GPC5: variants seen among roughly 807,000 people sequenced by gnomAD.
The protein encoded by GPC5 is glypican 5.
In GPC5, 47 loss-of-function variants were observed where a neutral mutation model predicts 53.9. The ratio of observed to expected loss-of-function variants is 0.87; its 90% confidence interval spans 0.69 to 1.11. The LOEUF (loss-of-function observed/expected upper bound fraction) is 1.11. Ranked by LOEUF, GPC5 falls within the 50% of genes most tolerant of loss-of-function variation. The pLI is 0.00. For synonymous variants in GPC5, 286 were observed against 263.3 expected, an observed-to-expected ratio of 1.09 and a Z score of -0.84; for missense variants, 748 against 713.1, an observed-to-expected ratio of 1.05 and a Z score of -0.56.
intron 2 of GPC5, among the ~76,000 whole-genome samples, chr13:91,497,312 T>A (rs560218092): frequency 7.2e-5 from 11 of 152,070 alleles, no homozygotes; most frequent in African/African-American, 2.4e-4. Context: ...TCAGATATTT[T>A]TTTTTTTAAA....
intron 7 of GPC5, among the ~76,000 whole-genome samples, chr13:92,809,631 C>A (rs1057345494): frequency 6.6e-6 from 1 of 152,102 alleles, no homozygotes; most frequent in African/African-American, 2.4e-5. Context: ...TAATTGTTTT[C>A]TTTGAAGTCA....
chr13:91,888,726 C>G (rs2138964353), intron 5 of GPC5, among the ~76,000 whole-genome samples: 1 of 152,194 alleles, frequency 6.6e-6, no homozygotes, highest in South Asian at 2.1e-4. Flanking sequence ...AGAAAATAAT[C>G]TTAAATGGCC....
intron 7 of GPC5, among the ~76,000 whole-genome samples, chr13:92,420,941 T>C (rs1299346061): frequency 6.6e-6 from 1 of 152,236 alleles, no homozygotes; most frequent in Admixed American, 6.5e-5. Context: ...TGAATAGTGC[T>C]GCAAAACTAG....
At chr13:92,722,865 A>G (rs1367330110) in intron 7 of GPC5, among the ~76,000 whole-genome samples, 1 of 151,884 alleles carries the variant, frequency 6.6e-6, no homozygotes, top group Non-Finnish European at 1.5e-5. Context: ...ATTACTTGCC[A>G]TTTTGAAGTT....
intron 5 of GPC5, among the ~76,000 whole-genome samples, chr13:91,771,991 C>T (rs1488157226): frequency 1.3e-5 from 2 of 152,110 alleles, no homozygotes; most frequent in Non-Finnish European, 2.9e-5. Context: ...ACTGCACTGT[C>T]CTACCAGTGG....
intron 5 of GPC5, among the ~76,000 whole-genome samples, chr13:91,862,769 A>C (rs1268280070): frequency 1.3e-5 from 2 of 152,140 alleles, no homozygotes; most frequent in Non-Finnish European, 2.9e-5. Flanking sequence ...GCCCCCATTA[A>C]AATTTCACCA....
intron 2 of GPC5, among the ~76,000 whole-genome samples, chr13:91,516,666 C>G (rs1885516836): frequency 6.6e-6 from 1 of 152,198 alleles, no homozygotes. Flanking sequence ...CTAGGGAGTG[C>G]CCCAACAGGG....
intron 7 of GPC5, among the ~76,000 whole-genome samples, chr13:92,653,493 T>A (rs1290533090): frequency 1.3e-5 from 2 of 152,198 alleles, no homozygotes; most frequent in African/African-American, 4.8e-5. Context: ...GTATTTGTAT[T>A]TCCTTTCTAA....
intron 5 of GPC5, among the ~76,000 whole-genome samples, chr13:91,892,874 C>T (rs1335205227): frequency 6.6e-6 from 1 of 151,860 alleles, no homozygotes; most frequent in East Asian, 1.9e-4. Flanking sequence ...TATTCACAAA[C>T]ATTTATCTTT....
At chr13:92,139,677 A>AG (rs1424775124) in intron 6 of GPC5, among the ~76,000 whole-genome samples, 1 of 138,524 alleles carries the variant, frequency 7.2e-6, no homozygotes. Flanking sequence ...AAAAAAAAAA[A>AG]AAAAAAAAGT....
chr13:91,675,221 T>G (rs1318265147), intron 2 of GPC5, among the ~76,000 whole-genome samples: 4 of 152,030 alleles, frequency 2.6e-5, no homozygotes, highest in African/African-American at 9.7e-5. Context: ...AAAGCATCCC[T>G]TTACATAAGT....
At chr13:92,450,715 T>C (rs1054410194) in intron 7 of GPC5, among the ~76,000 whole-genome samples, 3 of 152,204 alleles carry the variant, frequency 2.0e-5, no homozygotes, top group African/African-American at 7.2e-5. Flanking sequence ...ATGCAGATTA[T>C]ACATTGCATC....
chr13:92,520,690 A>G (rs1357877279), intron 7 of GPC5, among the ~76,000 whole-genome samples: 1 of 152,174 alleles, frequency 6.6e-6, no homozygotes, highest in Non-Finnish European at 1.5e-5. Flanking sequence ...AATGGGCACA[A>G]ACTGGAAGCA....
intron 2 of GPC5, among the ~76,000 whole-genome samples, chr13:91,544,432 G>C (rs2030156754): frequency 6.6e-6 from 1 of 152,134 alleles, no homozygotes; most frequent in African/African-American, 2.4e-5. Context: ...CTGCGTGTCT[G>C]TGTTTGTGTA....
rs372811698 is a variant in GPC5 at position 92,432,187 on chromosome 13, AG to A, written c.1561+287200del. Among the ~76,000 whole-genome samples the A allele has an allele frequency of 1.0e-3, 154 of 152,298 alleles. 4 individuals carry two copies. In the South Asian group the frequency reaches 0.032, roughly 31 times the overall value. On this transcript the variant is annotated intron_variant, in intron 7 of 7. Coordinates refer to ENST00000377067, the MANE Select transcript of GPC5 (RefSeq NM_004466.6). ...GCAAGAAGGTGGCCATCTGCAGGGCAGGAAGAGAGCATCACCAGAAACTGAC... is the reference window on the plus strand; with the variant it reads ...GCAAGAAGGTGGCCATCTGCAGGGCAGAAGAGAGCATCACCAGAAACTGAC...
At chr13:91,897,624 A>G (rs1471954821) in intron 5 of GPC5, among the ~76,000 whole-genome samples, 2 of 152,168 alleles carry the variant, frequency 1.3e-5, no homozygotes, top group Non-Finnish European at 2.9e-5. Context: ...GCCTGACTTA[A>G]AGTCTGAAAA....
At chr13:92,499,084 T>A (rs1880090389) in intron 7 of GPC5, among the ~76,000 whole-genome samples, 1 of 152,064 alleles carries the variant, frequency 6.6e-6, no homozygotes, top group Non-Finnish European at 1.5e-5. Context: ...GAGAGGATCC[T>A]GGAATGTCCT....
At chr13:92,530,143 G>A (rs1176927975) in intron 7 of GPC5, among the ~76,000 whole-genome samples, 1 of 152,094 alleles carries the variant, frequency 6.6e-6, no homozygotes, top group Non-Finnish European at 1.5e-5. Context: ...CCTAAGCATC[G>A]TATCAAATTT....
chr13:91,619,666 T>C (rs1184852405), intron 2 of GPC5, among the ~76,000 whole-genome samples: 1 of 152,094 alleles, frequency 6.6e-6, no homozygotes, highest in Non-Finnish European at 1.5e-5. Context: ...AACTGCACAA[T>C]GGAGACAATG....
Sources: gnomAD v4.1 joint callset for allele counts (sites outside exome capture counted in the v4.1 genomes callset) on GRCh38, gnomAD v4.1.1 for gene constraint, MANE v1.5 for transcripts, NCBI Gene and HGNC (gene_info 2026-07-23, HGNC 2026-07-21) for gene names.